Variants in MBOAT1 observed in about 807,000 individuals in gnomAD.
MBOAT1 encodes the protein membrane bound glycerophospholipid O-acyltransferase 1.
MBOAT1 carries 67 observed loss-of-function variants against 64.4 expected under a neutral mutation model. The observed-to-expected ratio is 1.04, with a 90% CI of 0.85 to 1.27. The LOEUF (loss-of-function observed/expected upper bound fraction) is 1.27, where lower values mean the gene tolerates loss of function less well. MBOAT1 is among the 50% of genes most tolerant of loss of function. The pLI is 0.00. For synonymous variants in MBOAT1, 229 were observed against 218.9 expected, an observed-to-expected ratio of 1.05 and a Z score of -0.41; for missense variants, 563 against 604.6, an observed-to-expected ratio of 0.93 and a Z score of 0.72.
intron 4 of MBOAT1, among the ~76,000 whole-genome samples, chr6:20,141,353 CTTTTTCTT>C (rs1317916437): frequency 2.8e-5 from 3 of 105,590 alleles, no homozygotes; most frequent in Admixed American, 2.7e-4. Flanking sequence ...TTTTCTTTTT[CTTTTTCTT>C]TTTTTTTTTT....
At chr6:20,108,734 T>G (rs1760032377) in intron 12 of MBOAT1, among the ~76,000 whole-genome samples, 1 of 152,258 alleles carries the variant, frequency 6.6e-6, no homozygotes, top group African/African-American at 2.4e-5. Context: ...CAAGGTAGCA[T>G]TTATTGAGTA....
chr6:20,160,383 G>A (rs1265597316), intron 1 of MBOAT1, among the ~76,000 whole-genome samples: 1 of 152,176 alleles, frequency 6.6e-6, no homozygotes, highest in African/African-American at 2.4e-5. Flanking sequence ...CCCTACTGCA[G>A]TGGTTTACCA....
intron 8 of MBOAT1, among the ~76,000 whole-genome samples, chr6:20,120,719 T>C (rs1230081220): frequency 6.6e-6 from 1 of 152,068 alleles, no homozygotes; most frequent in African/African-American, 2.4e-5. Context: ...AGAATCTCAA[T>C]CCTAGAACTT....
intron 1 of MBOAT1, among the ~76,000 whole-genome samples, chr6:20,158,607 A>G (rs1761762963): frequency 6.6e-6 from 1 of 152,250 alleles, no homozygotes; most frequent in Non-Finnish European, 1.5e-5. Flanking sequence ...GCTTCTGTGC[A>G]ATAAAGGAAA....
At chr6:20,178,541 C>G (rs995024021) in intron 1 of MBOAT1, among the ~76,000 whole-genome samples, 1 of 152,138 alleles carries the variant, frequency 6.6e-6, no homozygotes, top group Non-Finnish European at 1.5e-5. Flanking sequence ...CTATGGCTAC[C>G]AAGTTCAAAG....
chr6:20,116,152 C>T (rs1760312604), intron 9 of MBOAT1, among the ~76,000 whole-genome samples: 2 of 151,874 alleles, frequency 1.3e-5, no homozygotes, highest in Non-Finnish European at 1.5e-5. Context: ...GCCAACATGG[C>T]GAAACCCAGT....
intron 1 of MBOAT1, among the ~76,000 whole-genome samples, chr6:20,177,723 G>A (rs577238796): frequency 2.0e-5 from 3 of 147,964 alleles, no homozygotes; most frequent in South Asian, 2.1e-4. Flanking sequence ...GCAGTGAGCC[G>A]AGATCGTGCC....
At chr6:20,165,658 G>A (rs986349051) in intron 1 of MBOAT1, among the ~76,000 whole-genome samples, 3 of 151,814 alleles carry the variant, frequency 2.0e-5, no homozygotes, top group East Asian at 1.9e-4. Flanking sequence ...CAGGAGAATC[G>A]CTTGCACCCA....
At chr6:20,132,943 G>T (rs1000826867) in intron 4 of MBOAT1, among the ~76,000 whole-genome samples, 1 of 152,026 alleles carries the variant, frequency 6.6e-6, no homozygotes, top group African/African-American at 2.4e-5. Context: ...CTATTTTCTT[G>T]TCTCATTCCT....
intron 12 of MBOAT1, among the ~76,000 whole-genome samples, chr6:20,108,118 GTAATCAATCTGGAA>G (rs1760015362): frequency 6.6e-6 from 1 of 152,176 alleles, no homozygotes; most frequent in South Asian, 2.1e-4. Flanking sequence ...TGTTTGAGGT[GTAATCAATCTGGAA>G]TAATCGCTGG....
At chr6:20,124,655 A>G in intron 7 of MBOAT1, 55 bp from the exon 8 acceptor site, 1 of 1,555,428 alleles carries the variant, frequency 6.4e-7, no homozygotes, top group Non-Finnish European at 8.8e-7. Context: ...TATGAAGAAA[A>G]CAGCTTTGGA....
chr6:20,171,711 A>C (rs980136498), intron 1 of MBOAT1, among the ~76,000 whole-genome samples: 8 of 152,130 alleles, frequency 5.3e-5, no homozygotes, highest in Non-Finnish European at 5.9e-5. Flanking sequence ...AGTATCACTG[A>C]AAGCAGAAAA....
intron 1 of MBOAT1, among the ~76,000 whole-genome samples, chr6:20,196,082 C>A (rs1325221483): frequency 6.6e-6 from 1 of 152,152 alleles, no homozygotes; most frequent in South Asian, 2.1e-4. Context: ...GACAGAGGGA[C>A]AAAAAGTACA....
intron 8 of MBOAT1, among the ~76,000 whole-genome samples, chr6:20,120,484 C>T (rs1357391053): frequency 6.6e-6 from 1 of 152,060 alleles, no homozygotes. Context: ...GCCTGGCCAA[C>T]ATGGTGAAAC....
At chr6:20,162,517 A>T (rs1256180027) in intron 1 of MBOAT1, among the ~76,000 whole-genome samples, 1 of 152,244 alleles carries the variant, frequency 6.6e-6, no homozygotes, top group East Asian at 1.9e-4. Context: ...TGTTTAAAAC[A>T]TACAAGTTTT....
chr6:20,189,072 C>A (rs1379704409), intron 1 of MBOAT1, among the ~76,000 whole-genome samples: 1 of 152,066 alleles, frequency 6.6e-6, no homozygotes, highest in Non-Finnish European at 1.5e-5. Flanking sequence ...TGTTTAAGAG[C>A]TGCCCAGAAG....
At position 20,102,193 on chromosome 6, in the gene MBOAT1, T is replaced by A; in HGVS notation, c.*93A>T. The A allele has an allele frequency of 2.8e-6, 3 of 1,084,954 alleles. No homozygotes were observed. The highest frequency in any genetic ancestry group is 2.5e-6 in the Non-Finnish European group (2 of 789,332). 67.2% of individuals were successfully genotyped at this position (1,084,954 alleles called of 1,614,324 possible). ...AACAAAATAAAGATGCATGTAAACA[T>A]CGCCTCTAAGCCACCGGAGGAGCCC... On this transcript the variant is annotated 3_prime_UTR_variant, in exon 13 of 13. Coordinates refer to ENST00000324607, the MANE Select transcript of MBOAT1 (RefSeq NM_001080480.3).
intron 1 of MBOAT1, among the ~76,000 whole-genome samples, chr6:20,177,787 A>C (rs931878242): frequency 5.9e-3 from 385 of 65,728 alleles, no homozygotes; most frequent in African/African-American, 0.014. Flanking sequence ...AAAAAAAAAA[A>C]AAAACAAAAA....
At chr6:20,164,097 GT>G (rs1177600544) in intron 1 of MBOAT1, among the ~76,000 whole-genome samples, 1 of 150,712 alleles carries the variant, frequency 6.6e-6, no homozygotes, top group Non-Finnish European at 1.5e-5. Flanking sequence ...ATATACTTAT[GT>G]TTACTATATA....
Sources: allele counts gnomAD v4.1 joint callset (sites outside exome capture counted in the v4.1 genomes callset), GRCh38; gene constraint gnomAD v4.1.1; transcripts MANE v1.5; gene names NCBI Gene and HGNC (gene_info 2026-07-23, HGNC 2026-07-21).